The following ITGA9 variants were observed in gnomAD, a reference collection of about 807,000 sequenced individuals.
The protein encoded by ITGA9 is integrin subunit alpha 9.
A neutral mutation model predicts 127.8 loss-of-function variants in ITGA9; 56 were observed. The observed-to-expected ratio is 0.44, with a 90% confidence interval of 0.35 to 0.55. The LOEUF is 0.55. Ranked by LOEUF, ITGA9 falls within the 20% of genes least tolerant of loss-of-function variation. The pLI is 0.00. For missense variants in ITGA9, 1,196 were observed against 1,347.1 expected (o/e 0.89, Z 1.76); for synonymous variants, 508 against 514.5 (o/e 0.99, Z 0.17).
chr3:37,638,232 G>A (rs1028707121), intron 16 of ITGA9, among the ~76,000 whole-genome samples: 33 of 152,198 alleles, frequency 2.2e-4, no homozygotes, highest in Non-Finnish European at 3.4e-4. Context: ...AAACATAAAC[G>A]GACGTGGGTA....
intron 15 of ITGA9, among the ~76,000 whole-genome samples, chr3:37,574,402 G>C (rs116252686): frequency 1.5e-3 from 234 of 152,306 alleles, no homozygotes; most frequent in African/African-American, 5.5e-3. Context: ...TTAGGATCAA[G>C]TGTGGTGTAA....
At chr3:37,731,296 C>T (rs923982869) in intron 18 of ITGA9, among the ~76,000 whole-genome samples, 1 of 152,098 alleles carries the variant, frequency 6.6e-6, no homozygotes, top group Non-Finnish European at 1.5e-5. Context: ...CTGCTCACTG[C>T]AAGCTCCGCC....
intron 17 of ITGA9, among the ~76,000 whole-genome samples, chr3:37,676,759 C>G (rs535810282): frequency 7.9e-5 from 12 of 152,326 alleles, no homozygotes; most frequent in Middle Eastern, 3.4e-3. Flanking sequence ...TCTTTGTCTT[C>G]AAGACCTAAG....
intron 17 of ITGA9, among the ~76,000 whole-genome samples, chr3:37,682,728 C>G (rs1036899810): frequency 6.6e-6 from 1 of 152,176 alleles, no homozygotes; most frequent in Non-Finnish European, 1.5e-5. Context: ...CTTTTCTCTT[C>G]TAGTTATTGA....
intron 23 of ITGA9, among the ~76,000 whole-genome samples, chr3:37,766,040 A>G (rs773543593): frequency 3.9e-5 from 6 of 152,274 alleles, no homozygotes; most frequent in African/African-American, 7.2e-5. Flanking sequence ...TAAAAGCAAC[A>G]TGACACAGAG....
At chr3:37,656,675 C>T (rs543174273) in intron 17 of ITGA9, among the ~76,000 whole-genome samples, 2 of 152,106 alleles carry the variant, frequency 1.3e-5, no homozygotes, top group African/African-American at 4.8e-5. Context: ...ATTTGAATAC[C>T]CTTTTTTTCC....
At chr3:37,655,150 C>G (rs922571444) in intron 17 of ITGA9, among the ~76,000 whole-genome samples, 4 of 152,164 alleles carry the variant, frequency 2.6e-5, no homozygotes, top group Admixed American at 2.6e-4. Flanking sequence ...CTGCAATAAA[C>G]ATATGTGTGC....
chr3:37,815,242 T>C (rs1306712831), intron 27 of ITGA9, among the ~76,000 whole-genome samples: 1 of 152,182 alleles, frequency 6.6e-6, no homozygotes, highest in Non-Finnish European at 1.5e-5. Flanking sequence ...TAACACACTG[T>C]CTATGTCAAA....
intron 13 of ITGA9, among the ~76,000 whole-genome samples, chr3:37,531,974 CTGT>C (rs1158110223): frequency 6.6e-6 from 1 of 152,124 alleles, no homozygotes; most frequent in Non-Finnish European, 1.5e-5. Context: ...TTTGAGCTGG[CTGT>C]TGAAAGGTCG....
chr3:37,614,701 C>G (rs934742815), intron 15 of ITGA9, among the ~76,000 whole-genome samples: 11 of 151,824 alleles, frequency 7.2e-5, no homozygotes, highest in Non-Finnish European at 1.2e-4. Context: ...AGTTGGATTC[C>G]TAGGTATTTT....
chr3:37,508,378 C>A (rs1387691053), intron 7 of ITGA9, among the ~76,000 whole-genome samples, 181 bp from the exon 8 acceptor site: 1 of 152,146 alleles, frequency 6.6e-6, no homozygotes, highest in Admixed American at 6.5e-5. Flanking sequence ...GATTGAAGGA[C>A]CCTTTTTTTT....
At chr3:37,734,993 C>G (rs1205064531) in intron 19 of ITGA9, among the ~76,000 whole-genome samples, 3 of 152,216 alleles carry the variant, frequency 2.0e-5, no homozygotes, top group Admixed American at 1.3e-4. Flanking sequence ...AGACGGGGCT[C>G]CCCGTATCCG....
chr3:37,565,881 G>A lies in ITGA9; in HGVS notation c.1689+23296G>A, dbSNP rs536153249. On this transcript the variant is annotated intron_variant, in intron 15 of 27. Transcript: ENST00000264741. ...TGGGAGTGACGTTGGGAACTGTTTC[G>A]CCAGAAATACTGGGGACCCTTGAGT... Among the ~76,000 whole-genome samples the A allele has an allele frequency of 4.6e-5, 7 of 152,212 alleles. No individual in the cohort carries two copies. The South Asian group carries it at 1.0e-3, about 23-fold the overall frequency.
chr3:37,585,872 T>G (rs1457242412), intron 15 of ITGA9, among the ~76,000 whole-genome samples: 1 of 152,208 alleles, frequency 6.6e-6, no homozygotes, highest in Non-Finnish European at 1.5e-5. Flanking sequence ...GAAGATGGTA[T>G]TTTGTTAAAA....
chr3:37,780,492 C>T (rs1696963597), intron 25 of ITGA9, among the ~76,000 whole-genome samples: 1 of 150,786 alleles, frequency 6.6e-6, no homozygotes, highest in African/African-American at 2.5e-5. Context: ...TAATTTAATT[C>T]TTTTTTATGG....
rs1698869883 is a variant in ITGA9 at position 37,508,594 on chromosome 3, C to T, written c.864C>T (p.Thr288=). The T allele has an allele frequency of 6.2e-7, 1 of 1,613,594 alleles. No individual in the cohort carries two copies. The highest frequency in any genetic ancestry group is 1.7e-5 in the Admixed American group (1 of 59,974). Residue 288 remains threonine, a synonymous_variant, in exon 8 of 28, where the codon ACC becomes ACT. Transcript: ENST00000264741. ...YIFRADRRSG[T]LIKIFQASGK... is the part of the protein sequence containing the mutation. ...TCAGAGCTGACCGAAGATCAGGCAC[C>T]TTAATTAAGATCTTTCAAGCATCAG... is the stretch of plus-strand genomic sequence containing the variant.
At chr3:37,518,185 C>T (rs1455889295) in intron 10 of ITGA9, among the ~76,000 whole-genome samples, 3 of 151,154 alleles carry the variant, frequency 2.0e-5, no homozygotes, top group African/African-American at 7.3e-5. Context: ...GTGTTCCTCA[C>T]AGCCTCTTGG....
At chr3:37,561,717 TAC>T (rs1476236927) in intron 15 of ITGA9, among the ~76,000 whole-genome samples, 1 of 152,206 alleles carries the variant, frequency 6.6e-6, no homozygotes, top group African/African-American at 2.4e-5. Flanking sequence ...GGCGTTTTAG[TAC>T]AGTTTTTCTG....
chr3:37,686,996 G>C lies in ITGA9; in HGVS notation c.2067+2981G>C, dbSNP rs146722397. Reference sequence around the variant, plus strand: ...GGCCTAACAGGACCAACATGGGCCTGTGAAATATTCTAATGGGTAAACTAA... The same window carrying C: ...GGCCTAACAGGACCAACATGGGCCTCTGAAATATTCTAATGGGTAAACTAA... On this transcript the variant is annotated intron_variant, in intron 18 of 27. Transcript: ENST00000264741. 1.8e-4 allele frequency among the ~76,000 whole-genome samples: 28 copies of C among 152,274 alleles called. No individual in the cohort carries two copies. In the East Asian group the frequency reaches 4.6e-3, roughly 25 times the overall value.
Sources: allele counts gnomAD v4.1 joint callset (sites outside exome capture counted in the v4.1 genomes callset), GRCh38; gene constraint gnomAD v4.1.1; transcripts MANE v1.5; gene names NCBI Gene and HGNC (gene_info 2026-07-23, HGNC 2026-07-21).